Variants in TMEM74 observed in about 807,000 individuals in gnomAD.
TMEM74 encodes the protein transmembrane protein 74.
TMEM74 carries 13 observed loss-of-function variants against 18.1 expected under a neutral mutation model. The observed-to-expected ratio is 0.72, with a 90% CI of 0.47 to 1.14. The LOEUF (loss-of-function observed/expected upper bound fraction) is 1.14, where lower values mean the gene tolerates loss of function less well. Ranked by LOEUF, TMEM74 falls within the 50% of genes most tolerant of loss-of-function variation. The pLI is 0.00. For synonymous variants in TMEM74, 159 were observed against 146.6 expected (o/e 1.08, Z -0.61); for missense variants, 372 against 375.9 (o/e 0.99, Z 0.09).
intron 1 of TMEM74, among the ~76,000 whole-genome samples, chr8:108,718,637 C>T (rs1813553155): frequency 6.6e-6 from 1 of 152,094 alleles, no homozygotes; most frequent in African/African-American, 2.4e-5. Context: ...TGGGTGGGAC[C>T]TGAGTCCTGA....
chr8:108,774,756 A>AT (rs71305916), downstream of TMEM74, among the ~76,000 whole-genome samples: 1,560 of 121,214 alleles, frequency 0.013, 27 homozygotes, highest in African/African-American at 0.033. Context: ...CCTTCCTTTA[A>AT]TTTTTTTTTT....
intron 2 of TMEM74, among the ~76,000 whole-genome samples, chr8:108,611,510 G>C (rs1812333363): frequency 6.6e-6 from 1 of 152,184 alleles, no homozygotes; most frequent in South Asian, 2.1e-4. Flanking sequence ...CTAGGATACA[G>C]TTGTGCTCAT....
intron 1 of TMEM74, among the ~76,000 whole-genome samples, chr8:108,731,567 T>TA (rs1813695774): frequency 6.6e-6 from 1 of 152,152 alleles, no homozygotes; most frequent in Admixed American, 6.5e-5. Context: ...GATTAGGTGA[T>TA]AGAGAGCATG....
chr8:108,714,426 T>C (rs1018905069), intron 1 of TMEM74, among the ~76,000 whole-genome samples: 1 of 152,052 alleles, frequency 6.6e-6, no homozygotes, highest in African/African-American at 2.4e-5. Flanking sequence ...AGAAAGGAGA[T>C]ATAGATACCC....
intron 2 of TMEM74, among the ~76,000 whole-genome samples, chr8:108,621,556 G>C (rs34449134): frequency 2.6e-5 from 4 of 152,126 alleles, no homozygotes; most frequent in Non-Finnish European, 5.9e-5. Flanking sequence ...CAGGGTATCA[G>C]CTGCGTCTGT....
intron 2 of TMEM74, among the ~76,000 whole-genome samples, chr8:108,628,681 G>T (rs978045790): frequency 6.6e-6 from 1 of 151,972 alleles, no homozygotes; most frequent in African/African-American, 2.4e-5. Context: ...TGGTATTTCT[G>T]GTTCTAGATC....
At chr8:108,640,137 T>G (rs1381824938) in intron 2 of TMEM74, among the ~76,000 whole-genome samples, 2 of 147,082 alleles carry the variant, frequency 1.4e-5, no homozygotes, top group African/African-American at 5.0e-5. Context: ...TTTTTTTTTT[T>G]TTTGGTGAGA....
At chr8:108,648,698 G>C (rs1391056947) in intron 2 of TMEM74, among the ~76,000 whole-genome samples, 2 of 152,106 alleles carry the variant, frequency 1.3e-5, no homozygotes, top group Non-Finnish European at 2.9e-5. Context: ...GAGGAGTCAT[G>C]AGATAAAGAA....
intron 1 of TMEM74, among the ~76,000 whole-genome samples, chr8:108,719,467 T>C (rs901916961): frequency 1.3e-5 from 2 of 152,176 alleles, no homozygotes; most frequent in Non-Finnish European, 2.9e-5. Context: ...CTCACCGTTC[T>C]TTGTGGCACA....
intron 1 of TMEM74, among the ~76,000 whole-genome samples, chr8:108,667,277 A>C (rs1812958139): frequency 6.6e-6 from 1 of 152,192 alleles, no homozygotes; most frequent in Admixed American, 6.6e-5. Context: ...ATCTCAGGGA[A>C]GCAGAAAAAA....
intron 1 of TMEM74, among the ~76,000 whole-genome samples, chr8:108,691,570 A>G (rs1204396360): frequency 6.6e-6 from 1 of 152,240 alleles, no homozygotes; most frequent in African/African-American, 2.4e-5. Context: ...GCTCCCTGCA[A>G]TCTTGATGAG....
In TMEM74 at chr8:108,686,835, G is replaced by A. The variant is rs1813175522; in HGVS notation, n.120-31398C>T. On this transcript the variant is annotated intron_variant and non_coding_transcript_variant, in intron 1 of 3. Transcript: ENST00000518838. ...TTTTTATCCTTATCAGACTCTAAGTGTTTATTATTAATTTTTGAGGAATCC... is the reference window on the plus strand; with the variant it reads ...TTTTTATCCTTATCAGACTCTAAGTATTTATTATTAATTTTTGAGGAATCC... Among the ~76,000 whole-genome samples, 5 of 152,094 alleles carry A rather than the reference G, an allele frequency of 3.3e-5. No individual in the cohort carries two copies. In the South Asian group the frequency reaches 1.0e-3, roughly 32 times the overall value.
intron 2 of TMEM74, chr8:108,652,841 G>C: frequency 1.9e-6 from 1 of 532,282 alleles, no homozygotes; most frequent in East Asian, 4.6e-5. Context: ...TATGAAGGTT[G>C]TATGGTTCAG....
chr8:108,757,659 C>A (rs1813991787), intron 1 of TMEM74, among the ~76,000 whole-genome samples: 3 of 151,546 alleles, frequency 2.0e-5, no homozygotes, highest in Admixed American at 2.0e-4. Context: ...CCAAGAAGTA[C>A]CATAGATGTA....
intron 2 of TMEM74, among the ~76,000 whole-genome samples, chr8:108,653,973 T>C (rs1337081923): frequency 1.3e-5 from 2 of 152,156 alleles, no homozygotes; most frequent in Admixed American, 1.3e-4. Context: ...GCATATATAA[T>C]ATAAAGATGT....
chr8:108,641,763 A>G (rs900079591), intron 2 of TMEM74, among the ~76,000 whole-genome samples: 12 of 152,046 alleles, frequency 7.9e-5, no homozygotes, highest in African/African-American at 2.4e-4. Context: ...CCAATCCAAT[A>G]ATCTTTCTTG....
chr8:108,786,353 G>A (rs545128269), intron 1 of TMEM74, among the ~76,000 whole-genome samples: 1 of 152,246 alleles, frequency 6.6e-6, no homozygotes, highest in South Asian at 2.1e-4. Context: ...TTTAACCAAA[G>A]GCTCCTTTTA....
chr8:108,730,497 A>G (rs1433998512), intron 1 of TMEM74, among the ~76,000 whole-genome samples: 1 of 152,190 alleles, frequency 6.6e-6, no homozygotes, highest in Non-Finnish European at 1.5e-5. Context: ...ATTTCATAGA[A>G]ATTGCCGTTT....
intron 1 of TMEM74, among the ~76,000 whole-genome samples, chr8:108,711,308 G>T (rs2935794): frequency 2.0e-5 from 3 of 151,846 alleles, no homozygotes; most frequent in East Asian, 3.9e-4. Context: ...TGAATTAAAA[G>T]GATATTCCAT....
Sources: allele counts gnomAD v4.1 joint callset (sites outside exome capture counted in the v4.1 genomes callset), GRCh38; gene constraint gnomAD v4.1.1; transcripts MANE v1.5; gene names NCBI Gene and HGNC (gene_info 2026-07-23, HGNC 2026-07-21).